Variants in CDH12 observed in about 807,000 individuals in gnomAD.
CDH12 encodes cadherin-12.
In CDH12, 41 loss-of-function variants were observed where a neutral mutation model predicts 74.1. The ratio of observed to expected loss-of-function variants is 0.55; its 90% confidence interval spans 0.43 to 0.72. The LOEUF is 0.72. CDH12 is among the 30% of genes least tolerant of loss of function. The pLI, the probability that CDH12 is intolerant of heterozygous loss-of-function variation, is 0.00. For synonymous variants in CDH12, 399 were observed against 355.0 expected, an observed-to-expected ratio of 1.12 and a Z score of -1.39; for missense variants, 945 against 977.2, an observed-to-expected ratio of 0.97 and a Z score of 0.44.
chr5:22,247,669 C>A (rs1427561104), intron 3 of CDH12, among the ~76,000 whole-genome samples: 1 of 15,998 alleles, frequency 6.3e-5, no homozygotes, highest in African/African-American at 1.4e-4. Context: ...AGTGAGACTC[C>A]GTCAAAAAAA....
intron 6 of CDH12, chr5:21,884,000 A>T: frequency 6.5e-7 from 1 of 1,536,422 alleles, no homozygotes. Context: ...TTATTAAAAG[A>T]ACACTCAAAA....
At chr5:22,014,880 A>G (rs961944769) in intron 5 of CDH12, among the ~76,000 whole-genome samples, 26 of 151,134 alleles carry the variant, frequency 1.7e-4, no homozygotes, top group Admixed American at 1.6e-3. Flanking sequence ...AATAATAATT[A>G]TAAGAGGTAT....
chr5:21,764,906 G>A, intron 12 of CDH12, 72 bp downstream of exon 12: 1 of 1,418,570 alleles, frequency 7.0e-7, no homozygotes, highest in Non-Finnish European at 9.9e-7. Context: ...GCATATTCAT[G>A]TCTGGACTTA....
chr5:22,587,296 T>C (rs949990889), intron 1 of CDH12, among the ~76,000 whole-genome samples: 2 of 152,104 alleles, frequency 1.3e-5, no homozygotes, highest in Non-Finnish European at 2.9e-5. Context: ...AAGAAGGTCC[T>C]CACTAGATCC....
chr5:22,375,940 C>T (rs1005825988), intron 3 of CDH12, among the ~76,000 whole-genome samples: 3 of 152,118 alleles, frequency 2.0e-5, no homozygotes, highest in African/African-American at 7.2e-5. Context: ...ACTGTTTGAT[C>T]CAGCAATCCT....
At position 22,290,335 on chromosome 5, in the gene CDH12, G is replaced by T. The variant is rs573810142; in HGVS notation, c.-332-77692C>A. 6.6e-5 allele frequency among the ~76,000 whole-genome samples: 10 copies of T among 151,990 alleles called. No homozygotes were observed. In the South Asian group the frequency reaches 2.1e-3, roughly 32 times the overall value. ...GATTGACTTTCTCACAAAAAAAATT[G>T]AAAATTATTCTAAGGACACTCAGCA... On this transcript the variant is annotated intron_variant, in intron 3 of 14. Transcript: ENST00000382254.
At chr5:22,674,293 T>C (rs1741053341) in intron 1 of CDH12, among the ~76,000 whole-genome samples, 1 of 152,140 alleles carries the variant, frequency 6.6e-6, no homozygotes, top group Non-Finnish European at 1.5e-5. Flanking sequence ...TTATAGTGAA[T>C]AAGTCTTGGG....
At chr5:22,821,490 T>C (rs1195509346) in intron 1 of CDH12, among the ~76,000 whole-genome samples, 2 of 152,134 alleles carry the variant, frequency 1.3e-5, no homozygotes, top group Admixed American at 1.3e-4. Flanking sequence ...AAAACCCCAT[T>C]GTCTCAGCCC....
chr5:22,763,469 G>A (rs985515164), intron 1 of CDH12, among the ~76,000 whole-genome samples: 2 of 152,012 alleles, frequency 1.3e-5, no homozygotes, highest in African/African-American at 4.8e-5. Flanking sequence ...GGTCAACTCT[G>A]TTAACAGTAT....
chr5:22,069,342 G>A (rs1741783605), intron 5 of CDH12, among the ~76,000 whole-genome samples: 1 of 152,136 alleles, frequency 6.6e-6, no homozygotes, highest in Admixed American at 6.6e-5. Flanking sequence ...CCCTTGCAGG[G>A]CTGGGGCAAG....
At position 22,408,848 on chromosome 5, in the gene CDH12, C is replaced by T. The variant is rs111944748; in HGVS notation, c.-427-3497G>A. On this transcript the variant is annotated intron_variant, in intron 2 of 14. Transcript: ENST00000382254. ...CTTCTATCTTCATTTTATTTTCCCC[C>T]ATGATGGTGGACAATTTTGTTTCCA... 2.0e-5 allele frequency among the ~76,000 whole-genome samples: 3 copies of T among 151,614 alleles called. No homozygotes were observed. The South Asian group carries it at 6.2e-4, about 31-fold the overall frequency.
At chr5:22,458,702 T>G (rs1422649340) in intron 2 of CDH12, among the ~76,000 whole-genome samples, 1 of 152,202 alleles carries the variant, frequency 6.6e-6, no homozygotes, top group African/African-American at 2.4e-5. Context: ...ATTTTAATGT[T>G]GCATATTTGT....
intron 2 of CDH12, among the ~76,000 whole-genome samples, chr5:22,426,969 C>T (rs537315452): frequency 9.9e-5 from 15 of 152,092 alleles, no homozygotes; most frequent in African/African-American, 3.1e-4. Context: ...CCTTCGTCTA[C>T]CCTCTATCTC....
rs760017169 is a variant in CDH12, at chr5:21,755,815, C to T, written c.1661G>A (p.Arg554Lys). ...RNNTAGIETRRNGYSRRQQEL... is the reference protein window; with the variant it reads ...RNNTAGIETRKNGYSRRQQEL... The stretch of plus-strand genomic sequence containing the variant: ...TTGCTGCCTGCGGCTGTATCCATTT[C>T]TTCGGGTTTCAATCCCCGCTGTGTT... Residue 554 changes from arginine to lysine, a missense_variant, in exon 14 of 15, where the codon AGA (arginine) becomes AAA (lysine). Physicochemically the swap from Arg to Lys is conservative, Grantham distance 26. Coordinates refer to ENST00000382254, the MANE Select transcript of CDH12 (RefSeq NM_004061.5). 1 of 1,614,064 alleles carries T rather than the reference C, an allele frequency of 6.2e-7. No homozygotes were observed. The highest frequency in any genetic ancestry group is 2.2e-5 in the East Asian group (1 of 44,872).
chr5:22,009,482 A>G (rs1481173529), intron 5 of CDH12, among the ~76,000 whole-genome samples: 2 of 152,144 alleles, frequency 1.3e-5, no homozygotes, highest in East Asian at 1.9e-4. Flanking sequence ...TCTTGAACAT[A>G]TAATTATAAC....
intron 1 of CDH12, among the ~76,000 whole-genome samples, chr5:22,836,069 AC>A (rs1736801960): frequency 6.6e-6 from 1 of 152,096 alleles, no homozygotes; most frequent in Non-Finnish European, 1.5e-5. Flanking sequence ...TTCCTTCACA[AC>A]CAGTTACATG....
chr5:22,716,966 T>C (rs1743611558), intron 1 of CDH12, among the ~76,000 whole-genome samples: 1 of 152,178 alleles, frequency 6.6e-6, no homozygotes, highest in Non-Finnish European at 1.5e-5. Flanking sequence ...TACAATGTGT[T>C]TGTGTTTTAA....
Position 21,904,165 on chromosome 5 carries a change from C to T in CDH12, c.527-49375G>A, listed in dbSNP as rs184614130. Among the ~76,000 whole-genome samples, 483 of 152,196 alleles carry T rather than the reference C, an allele frequency of 3.2e-3. 11 individuals carry two copies. Among genetic ancestry groups the T allele is most frequent in the Admixed American group, 0.03 (454 of 15,264 alleles). On this transcript the variant is annotated intron_variant, in intron 6 of 14. Coordinates refer to ENST00000382254, the MANE Select transcript of CDH12 (RefSeq NM_004061.5). ...TAATAAACTTCATGTTACATTTTTC[C>T]CCGTGTAAAAATGTTTCACTGGTGG...
At chr5:22,540,950 T>A (rs914448625) in intron 1 of CDH12, among the ~76,000 whole-genome samples, 20 of 152,330 alleles carry the variant, frequency 1.3e-4, no homozygotes, top group African/African-American at 4.3e-4. Flanking sequence ...GTCTCATATT[T>A]GAAATATTTC....
Sources: gnomAD v4.1 joint callset for allele counts (sites outside exome capture counted in the v4.1 genomes callset) on GRCh38, gnomAD v4.1.1 for gene constraint, MANE v1.5 for transcripts, NCBI Gene and HGNC (gene_info 2026-07-23, HGNC 2026-07-21) for gene names.